Variants in ZDHHC13 observed in about 807,000 individuals in gnomAD.
ZDHHC13 encodes the protein zDHHC palmitoyltransferase 13, also known as palmitoyltransferase ZDHHC13.
In ZDHHC13, 85 loss-of-function variants were observed where a neutral mutation model predicts 86.0. That is an observed-to-expected ratio of 0.99 (90% CI 0.83 to 1.18). The LOEUF (loss-of-function observed/expected upper bound fraction) is 1.18, where lower values mean the gene tolerates loss of function less well. ZDHHC13 is among the 50% of genes most tolerant of loss of function. ZDHHC13 has a pLI of 0.00. For synonymous variants in ZDHHC13, 263 were observed against 246.4 expected (o/e 1.07, Z -0.63); for missense variants, 711 against 730.2 (o/e 0.97, Z 0.30).
At position 19,156,856 on chromosome 11, in the gene ZDHHC13, A is replaced by T. The variant is rs116328960; in HGVS notation, c.1007+927A>T. On this transcript the variant is annotated intron_variant, in intron 9 of 16. Transcript: ENST00000446113. ...ATCAAGGGAGTCTTTTAAAAAGCAGATAAGTTCTTTCTTTTCTCCCTGCTT... is the reference window on the plus strand; with the variant it reads ...ATCAAGGGAGTCTTTTAAAAAGCAGTTAAGTTCTTTCTTTTCTCCCTGCTT... Among the ~76,000 whole-genome samples, 1,417 of 152,314 alleles carry T rather than the reference A, an allele frequency of 9.3e-3. 26 individuals are homozygous for T. Among genetic ancestry groups the T allele is most frequent in the African/African-American group, 0.033 (1,354 of 41,574 alleles).
At chr11:19,170,206 C>G (rs1302668132) in intron 14 of ZDHHC13, 1 of 1,395,262 alleles carries the variant, frequency 7.2e-7, no homozygotes, top group East Asian at 2.8e-5. Context: ...ACAGTGTTAT[C>G]ATAGCCTCAA....
At chr11:19,149,368 T>C in intron 5 of ZDHHC13, 37 bp downstream of exon 5, 1 of 1,492,668 alleles carries the variant, frequency 6.7e-7, no homozygotes. Context: ...CCAGTTTTTA[T>C]CATCTGAAGA....
At chr11:19,128,204 T>G (rs918134188) in intron 1 of ZDHHC13, among the ~76,000 whole-genome samples, 1 of 152,208 alleles carries the variant, frequency 6.6e-6, no homozygotes, top group African/African-American at 2.4e-5. Flanking sequence ...TTTTATTCTT[T>G]TTGTGGCAGT....
chr11:19,117,712 C>T lies in ZDHHC13; in HGVS notation c.27+436C>T, dbSNP rs1020990026. The T allele has an allele frequency of 8.8e-5, 15 of 170,432 alleles. No individual in the cohort carries two copies. The highest frequency in any genetic ancestry group is 1.9e-4 in the Non-Finnish European group (15 of 80,460). The allele number at this position is 170,432 out of a possible 1,614,324, so 10.6% of individuals were successfully genotyped here. A position where few individuals can be genotyped will look rare whatever the true frequency, so the allele number is the denominator to read the frequency against. ...TTCAGCCCTGGCGTCTTAGCACCCG[C>T]CTTCACCCCACCCAGTCCAGTTTTC... On this transcript the variant is annotated intron_variant, in intron 1 of 16. Transcript: ENST00000446113. This position sits in a 1 kb window ranked among gnomAD's most constrained non-coding sequence, Gnocchi z 4.2.
intron 1 of ZDHHC13, among the ~76,000 whole-genome samples, chr11:19,124,562 C>G (rs2133360728): frequency 6.6e-6 from 1 of 152,064 alleles, no homozygotes; most frequent in East Asian, 1.9e-4. Flanking sequence ...CTTAGCTGCA[C>G]TTTTTGTTAT....
intron 1 of ZDHHC13, among the ~76,000 whole-genome samples, chr11:19,135,655 G>A (rs1219075747): frequency 1.3e-5 from 2 of 152,222 alleles, no homozygotes; most frequent in Non-Finnish European, 1.5e-5. Flanking sequence ...AGTAACCTCT[G>A]CAGAGTTAAA....
intron 4 of ZDHHC13, 88 bp downstream of exon 4, chr11:19,147,761 C>T: frequency 1.4e-6 from 1 of 716,796 alleles, no homozygotes; most frequent in South Asian, 2.6e-5. Context: ...ATTTGAAAGG[C>T]TGTCTTTTCT....
At chr11:19,135,933 C>G (rs929130274) in intron 1 of ZDHHC13, among the ~76,000 whole-genome samples, 1 of 152,260 alleles carries the variant, frequency 6.6e-6, no homozygotes, top group Non-Finnish European at 1.5e-5. Context: ...ACATCACCAT[C>G]ATCAAAGACC....
chr11:19,173,155 T>C (rs1344781963), intron 16 of ZDHHC13, among the ~76,000 whole-genome samples: 1 of 152,230 alleles, frequency 6.6e-6, no homozygotes, highest in Non-Finnish European at 1.5e-5. Flanking sequence ...ATTAAGTGTA[T>C]GGCTGAGAGA....
chr11:19,169,917 C>A, intron 14 of ZDHHC13: 1 of 987,692 alleles, frequency 1.0e-6, no homozygotes, highest in African/African-American at 1.7e-5. Context: ...AGAAGTATAC[C>A]CATGCCCAGC....
chr11:19,133,942 T>TATATATATATATATATATACACAC lies in ZDHHC13; in HGVS notation c.28-9035_28-9034insTATATATATATATATATACACACA. Reference sequence around the variant, plus strand: ...GTCCATATATATATATATATATATATACACGTATGTGTTTTATATACTTCA... The same window carrying TATATATATATATATATATACACAC: ...GTCCATATATATATATATATATATATATATATATATATATATATACACACACACGTATGTGTTTTATATACTTCA... On this transcript the variant is annotated intron_variant, in intron 1 of 16. Transcript: ENST00000446113. Among the ~76,000 whole-genome samples, 130 of 96,076 alleles carry TATATATATATATATATATACACAC rather than the reference T, an allele frequency of 1.4e-3. 4 individuals are homozygous for TATATATATATATATATATACACAC. The highest frequency in any genetic ancestry group is 6.5e-3 in the Middle Eastern group (1 of 154). 63.0% of individuals were successfully genotyped at this position (96,076 alleles called of 152,430 possible).
chr11:19,172,292 C>G (rs1176959091), intron 15 of ZDHHC13, among the ~76,000 whole-genome samples: 1 of 152,040 alleles, frequency 6.6e-6, no homozygotes, highest in African/African-American at 2.4e-5. Flanking sequence ...AGGCTGCTCT[C>G]GAACTCCTGA....
rs749680019 is a variant in ZDHHC13 at position 19,165,098 on chromosome 11, G to C, written c.1343G>C (p.Cys448Ser). ...RSLHCHVCNCCVARYDQHCLW... is the reference protein window; with the variant it reads ...RSLHCHVCNCSVARYDQHCLW... Reference sequence around the variant, plus strand: ...CTCCACTGCCATGTATGCAACTGCTGTGTGGCTCGATATGATCAACACTGC... The same window carrying C: ...CTCCACTGCCATGTATGCAACTGCTCTGTGGCTCGATATGATCAACACTGC... Residue 448 changes from cysteine to serine, a missense_variant, in exon 13 of 17, where the codon TGT becomes TCT. Cys to Ser is a moderately radical substitution (Grantham distance 112). Transcript: ENST00000446113. The C allele has an allele frequency of 6.2e-7, 1 of 1,613,080 alleles. No homozygotes were observed. Among genetic ancestry groups the C allele is most frequent in the Non-Finnish European group, 8.5e-7 (1 of 1,179,484 alleles).
intron 16 of ZDHHC13, among the ~76,000 whole-genome samples, chr11:19,174,554 G>T (rs894842537): frequency 1.3e-5 from 2 of 152,244 alleles, no homozygotes; most frequent in African/African-American, 2.4e-5. Context: ...TCATGGACAG[G>T]TGTGTTTTGT....
In ZDHHC13 at chr11:19,170,456, G is replaced by A. The variant is rs1413403426; in HGVS notation, c.1520G>A (p.Trp507Ter). 7.1e-6 allele frequency: 10 copies of A among 1,410,188 alleles called. No individual in the cohort carries two copies. The highest frequency in any genetic ancestry group is 1.9e-4 in the Middle Eastern group (1 of 5,208). The allele number at this position is 1,410,188 out of a possible 1,614,324, so 87.4% of individuals were successfully genotyped here. ...ACAACATTCAAAGAAGATGGATTAT[G>A]GACTTACCTCAATCAGATTGTGGCC... ...CATTFKEDGL[W>*]TYLNQIVACS... The change falls in exon 15 of 17, where the codon TGG becomes TAG. Residue 507 changes from tryptophan (W) to a stop codon, truncating the protein, a stop_gained. Transcript: ENST00000446113. LOFTEE classifies it high-confidence loss of function.
intron 7 of ZDHHC13, 78 bp downstream of exon 7, chr11:19,152,398 A>G (rs1303078244): frequency 1.3e-6 from 2 of 1,517,486 alleles, no homozygotes; most frequent in East Asian, 2.4e-5. Context: ...AAGATAAGCT[A>G]TATAATTGTT....
At chr11:19,142,951 CT>C in intron 1 of ZDHHC13, 26 bp from the exon 2 acceptor site, 1 of 1,575,526 alleles carries the variant, frequency 6.3e-7, no homozygotes, top group Non-Finnish European at 8.6e-7. Context: ...TTCTCTCATG[CT>C]TTGTCAAATG....
At chr11:19,152,530 T>C (rs1849640826) in intron 7 of ZDHHC13, 29 bp from the exon 8 acceptor site, 3 of 1,548,146 alleles carry the variant, frequency 1.9e-6, no homozygotes, top group Middle Eastern at 1.7e-4. Context: ...AAAAATACTT[T>C]TAAACTTTTT....
At chr11:19,149,953 A>T (rs1447193479) in intron 5 of ZDHHC13, among the ~76,000 whole-genome samples, 2 of 152,232 alleles carry the variant, frequency 1.3e-5, no homozygotes, top group African/African-American at 4.8e-5. Context: ...CCTTTAAATA[A>T]GCACTTTCTC....
Sources: allele counts gnomAD v4.1 joint callset (sites outside exome capture counted in the v4.1 genomes callset), GRCh38; gene constraint gnomAD v4.1.1; non-coding constraint Gnocchi (gnomAD v3.1); transcripts MANE v1.5; gene names NCBI Gene and HGNC (gene_info 2026-07-23, HGNC 2026-07-21).